Variants in ARHGEF4 observed in about 807,000 individuals in gnomAD.
The protein encoded by ARHGEF4 is APC-stimulated guanine nucleotide exchange factor 1.
In ARHGEF4, 119 loss-of-function variants were observed where a neutral mutation model predicts 162.0. The ratio of observed to expected loss-of-function variants is 0.73; its 90% confidence interval spans 0.63 to 0.86. The LOEUF (loss-of-function observed/expected upper bound fraction) is 0.86. ARHGEF4 is among the 40% of genes least tolerant of loss of function. The pLI is 0.00. For missense variants in ARHGEF4, 2,488 were observed against 2,456.0 expected (o/e 1.01, Z -0.28); for synonymous variants, 1,014 against 979.9 (o/e 1.03, Z -0.65).
chr2:130,966,578 C>A (rs1685018040), intron 4 of ARHGEF4, among the ~76,000 whole-genome samples: 1 of 152,172 alleles, frequency 6.6e-6, no homozygotes, highest in Non-Finnish European at 1.5e-5. Flanking sequence ...GAGGCTGCGT[C>A]TGAGCAGAGC....
intron 4 of ARHGEF4, among the ~76,000 whole-genome samples, chr2:130,958,774 G>GT (rs1314791858): frequency 2.0e-5 from 3 of 151,988 alleles, no homozygotes; most frequent in Non-Finnish European, 4.4e-5. Flanking sequence ...TTAAATGGTT[G>GT]TTTTTAAAAC....
intron 2 of ARHGEF4, among the ~76,000 whole-genome samples, chr2:130,923,460 A>G: frequency 6.6e-6 from 1 of 152,182 alleles, no homozygotes; most frequent in East Asian, 1.9e-4. Context: ...GTAGCTGTAC[A>G]GTAAGCATTA....
intron 1 of ARHGEF4, among the ~76,000 whole-genome samples, chr2:130,849,604 T>TGTCA (rs1274376375): frequency 1.3e-5 from 2 of 151,822 alleles, no homozygotes; most frequent in African/African-American, 2.4e-5. Flanking sequence ...AGTCTTGCTC[T>TGTCA]GTCACCCAGG....
At chr2:130,899,062 C>T (rs1248390041) in intron 1 of ARHGEF4, among the ~76,000 whole-genome samples, 2 of 152,208 alleles carry the variant, frequency 1.3e-5, no homozygotes, top group Non-Finnish European at 2.9e-5. Flanking sequence ...CCCTTTGACA[C>T]CTGGGAATCC....
At chr2:130,976,075 C>G (rs1023107559) in intron 4 of ARHGEF4, among the ~76,000 whole-genome samples, 1 of 152,156 alleles carries the variant, frequency 6.6e-6, no homozygotes, top group South Asian at 2.1e-4. Context: ...TTACTCTGCT[C>G]GGACTGCCTC....
intron 4 of ARHGEF4, among the ~76,000 whole-genome samples, chr2:130,996,740 C>G (rs773163393): frequency 6.6e-6 from 1 of 152,124 alleles, no homozygotes; most frequent in Non-Finnish European, 1.5e-5. Flanking sequence ...TCAGAGTGTG[C>G]GCACCAGTAT....
At chr2:130,937,179 G>T (rs1683011453) in intron 3 of ARHGEF4, among the ~76,000 whole-genome samples, 1 of 151,760 alleles carries the variant, frequency 6.6e-6, no homozygotes. Flanking sequence ...CCAAAGTGCT[G>T]GGATTACAGG....
intron 4 of ARHGEF4, among the ~76,000 whole-genome samples, chr2:130,985,365 G>A (rs1398785791): frequency 6.6e-6 from 1 of 152,194 alleles, no homozygotes; most frequent in Non-Finnish European, 1.5e-5. Flanking sequence ...TGTAGGTTCT[G>A]CTGCTCACCA....
chr2:130,895,552 A>G (rs750641876), intron 1 of ARHGEF4, among the ~76,000 whole-genome samples: 2 of 152,132 alleles, frequency 1.3e-5, no homozygotes, highest in Non-Finnish European at 2.9e-5. Context: ...GGTTTTGGCA[A>G]TTCTCATTGT....
In ARHGEF4 at chr2:131,043,533, C is replaced by T. The variant is rs1301518486; in HGVS notation, c.5107C>T (p.Gln1703Ter). 3 of 1,614,138 alleles carry T rather than the reference C, an allele frequency of 1.9e-6. No individual in the cohort carries two copies. Among genetic ancestry groups the T allele is most frequent in the Non-Finnish European group, 2.5e-6 (3 of 1,180,026 alleles). ...AGTTACACAGCCTCAAGCCAAAAGC[C>T]AGCAGCGAATGTTCTTTCTCTTTGA... ...TRVTQPQAKSQQRMFFLFDHQ... is the reference protein window; with the variant it reads ...TRVTQPQAKS The change falls in exon 11 of 14, where the codon CAG (glutamine) becomes TAG (stop). Residue 1703 changes from glutamine to a stop codon, truncating the protein, a stop_gained. Coordinates refer to ENST00000409359, the MANE Select transcript of ARHGEF4 (RefSeq NM_001367493.1). LOFTEE classifies it high-confidence loss of function.
chr2:131,035,251 G>A, intron 5 of ARHGEF4: 1 of 1,223,808 alleles, frequency 8.2e-7, no homozygotes, highest in Non-Finnish European at 1.0e-6. Context: ...CTTCCTGCTG[G>A]CCTTCCGCTG....
Position 131,040,396 on chromosome 2 carries a change from G to T in ARHGEF4, c.4618G>T (p.Glu1540Ter). Residue 1540 changes from glutamate (E) to a stop codon, truncating the protein, a stop_gained, in exon 8 of 14, where the codon GAG becomes TAG. Coordinates refer to ENST00000409359, the MANE Select transcript of ARHGEF4 (RefSeq NM_001367493.1). LOFTEE classifies it high-confidence loss of function. ...VKALEQRFNR[E>*]RPHLSELGAC... ...GGCCCTGGAGCAGAGGTTCAACCGC[G>T]AGCGCCCACACCTGAGCGAGCTGGG... 6.2e-7 allele frequency: 1 copy of T among 1,607,838 alleles called. No homozygotes were observed. Among genetic ancestry groups the T allele is most frequent in the Admixed American group, 1.7e-5 (1 of 59,338 alleles).
At chr2:130,837,591 A>G (rs775811814) in intron 1 of ARHGEF4, 441 of 450,426 alleles carry the variant, frequency 9.8e-4, no homozygotes, top group Non-Finnish European at 1.7e-3. Flanking sequence ...GGACCCACTC[A>G]GTTGGGACGC....
intron 1 of ARHGEF4, among the ~76,000 whole-genome samples, chr2:130,912,219 G>A (rs1437898681): frequency 6.6e-6 from 1 of 152,246 alleles, no homozygotes; most frequent in Non-Finnish European, 1.5e-5. Flanking sequence ...CCTTGCCGTG[G>A]GAGGTAGGCA....
intron 1 of ARHGEF4, among the ~76,000 whole-genome samples, chr2:130,853,797 C>T (rs1482166413): frequency 6.6e-6 from 1 of 152,226 alleles, no homozygotes; most frequent in East Asian, 1.9e-4. Flanking sequence ...GCCCTGCCGT[C>T]ATCCCAGGAA....
chr2:131,040,459 G>T lies in ARHGEF4; in HGVS notation c.4662+19G>T. ...GGAGCATGTGAGCGCGCGGCCCCCG[G>T]CCCCTACCTGGGCGCTGCGTTCACA... On this transcript the variant is annotated intron_variant, in intron 8 of 13. Transcript: ENST00000409359. 1 of 1,536,980 alleles carries T rather than the reference G, an allele frequency of 6.5e-7. No homozygotes were observed. The highest frequency in any genetic ancestry group is 8.8e-7 in the Non-Finnish European group (1 of 1,140,516).
chr2:131,039,975 C>G, intron 6 of ARHGEF4, 41 bp from the exon 7 acceptor site: 2 of 1,543,864 alleles, frequency 1.3e-6, no homozygotes, highest in Non-Finnish European at 1.7e-6. Flanking sequence ...GGCGTTGCTC[C>G]GAGGGATGCG....
At chr2:130,971,562 G>A (rs1573487384) in intron 4 of ARHGEF4, among the ~76,000 whole-genome samples, 1 of 150,456 alleles carries the variant, frequency 6.6e-6, no homozygotes, top group Non-Finnish European at 1.5e-5. Flanking sequence ...GGAGGCTGAG[G>A]CAGGAGAATT....
chr2:131,038,742 AAAG>A, intron 5 of ARHGEF4, 108 bp from the exon 6 acceptor site: 2 of 1,244,446 alleles, frequency 1.6e-6, no homozygotes, highest in Non-Finnish European at 2.2e-6. Context: ...GCTCCTCTGT[AAAG>A]AAGTCAGGAT....
Sources: allele counts gnomAD v4.1 joint callset (sites outside exome capture counted in the v4.1 genomes callset), GRCh38; gene constraint gnomAD v4.1.1; transcripts MANE v1.5; gene names NCBI Gene and HGNC (gene_info 2026-07-23, HGNC 2026-07-21).